CAPS2: variants seen among roughly 807,000 people sequenced by gnomAD.
CAPS2 encodes the protein calcyphosine 2.
Under a neutral mutation model 86.5 loss-of-function variants are expected in CAPS2, and 98 were observed. The ratio of observed to expected loss-of-function variants is 1.13; its 90% CI spans 0.96 to 1.34. CAPS2 has a LOEUF of 1.34. CAPS2 is among the 40% of genes most tolerant of loss of function. The pLI, the probability that CAPS2 is intolerant of heterozygous loss-of-function variation, is 0.00. For synonymous variants in CAPS2, 210 were observed against 225.1 expected (o/e 0.93, Z 0.60); for missense variants, 729 against 686.8 (o/e 1.06, Z -0.69).
At chr12:75,277,497 T>C (rs1271523672) in exon 17 of CAPS2, 2 of 906,350 alleles carry the variant, frequency 2.2e-6, no homozygotes, top group Non-Finnish European at 2.6e-6. Context: ...CATATTGTTT[T>C]AATTTTAATA....
At chr12:75,381,119 G>C (rs2044943837) in intron 1 of CAPS2, among the ~76,000 whole-genome samples, 1 of 152,166 alleles carries the variant, frequency 6.6e-6, no homozygotes, top group Non-Finnish European at 1.5e-5. Context: ...GAGGGACCCA[G>C]GGGGAGGTAA....
At chr12:75,375,350 C>T (rs576088545) in intron 1 of CAPS2, among the ~76,000 whole-genome samples, 13 of 152,208 alleles carry the variant, frequency 8.5e-5, no homozygotes, top group Non-Finnish European at 1.2e-4. Context: ...TTTGGATCCC[C>T]GGGAATCAAT....
intron 7 of CAPS2, chr12:75,305,315 T>C (rs1246227436): frequency 3.7e-6 from 1 of 271,804 alleles, no homozygotes; most frequent in Non-Finnish European, 6.9e-6. Context: ...ATGAAAGGCA[T>C]CCTAGAAGAG....
intron 15 of CAPS2, among the ~76,000 whole-genome samples, chr12:75,284,151 G>A (rs2034472071): frequency 6.6e-6 from 1 of 152,030 alleles, no homozygotes; most frequent in Non-Finnish European, 1.5e-5. Flanking sequence ...CCTATCACCA[G>A]GAAGGACATG....
At chr12:75,349,184 A>T (rs924787375) in intron 1 of CAPS2, among the ~76,000 whole-genome samples, 3 of 152,196 alleles carry the variant, frequency 2.0e-5, no homozygotes, top group Non-Finnish European at 4.4e-5. Flanking sequence ...GAATAAGAGG[A>T]CACAGTTCTT....
intron 6 of CAPS2, 63 bp from the exon 7 acceptor site, chr12:75,312,978 C>A: frequency 1.1e-6 from 1 of 910,316 alleles, no homozygotes; most frequent in South Asian, 1.5e-5. Context: ...ATACTTAACA[C>A]AAAAGTTCTA....
At chr12:75,310,352 T>G (rs1306314352) in intron 7 of CAPS2, among the ~76,000 whole-genome samples, 1 of 152,158 alleles carries the variant, frequency 6.6e-6, no homozygotes, top group African/African-American at 2.4e-5. Context: ...CTCACCAAGG[T>G]GACTTCTAAG....
chr12:75,377,622 T>C (rs2044718476), intron 1 of CAPS2, among the ~76,000 whole-genome samples: 2 of 152,048 alleles, frequency 1.3e-5, no homozygotes, highest in African/African-American at 2.4e-5. Flanking sequence ...GCTGAAAGAC[T>C]CACAAGTCGG....
At chr12:75,323,001 T>C (rs1384730962) in exon 4 of CAPS2, 1 of 1,544,598 alleles carries the variant, frequency 6.5e-7, no homozygotes, top group Non-Finnish European at 8.8e-7. Context: ...ACTGAGTATA[T>C]GGAGTTTGAC....
chr12:75,364,148 T>C (rs2043806920), intron 1 of CAPS2, among the ~76,000 whole-genome samples: 1 of 152,220 alleles, frequency 6.6e-6, no homozygotes, highest in Non-Finnish European at 1.5e-5. Flanking sequence ...TCTATTAGAC[T>C]TAAGATCTGT....
At chr12:75,287,533 T>C (rs1332432146) in intron 14 of CAPS2, among the ~76,000 whole-genome samples, 1 of 152,116 alleles carries the variant, frequency 6.6e-6, no homozygotes, top group African/African-American at 2.4e-5. Context: ...TACACAGTTA[T>C]GCATGTATCA....
intron 1 of CAPS2, chr12:75,347,551 C>T: frequency 3.3e-6 from 3 of 911,752 alleles, no homozygotes; most frequent in East Asian, 2.6e-5. Context: ...AAGATTATAC[C>T]AATTCTCTAA....
chr12:75,280,283 G>T (rs1004322521), intron 16 of CAPS2, among the ~76,000 whole-genome samples: 1 of 151,698 alleles, frequency 6.6e-6, no homozygotes, highest in Non-Finnish European at 1.5e-5. Flanking sequence ...TATCCCAGAG[G>T]TGCGCATGTG....
chr12:75,314,721 T>C (rs1031751337), intron 6 of CAPS2, among the ~76,000 whole-genome samples: 2 of 152,034 alleles, frequency 1.3e-5, no homozygotes, highest in African/African-American at 4.8e-5. Flanking sequence ...AACACAGATG[T>C]AAAACCCAGA....
chr12:75,360,053 T>C (rs1343006674), intron 1 of CAPS2: 1 of 152,134 alleles, frequency 6.6e-6, no homozygotes, highest in African/African-American at 2.4e-5. Flanking sequence ...TCAGATCTCA[T>C]GAGAACTCAC....
chr12:75,311,888 A>T (rs1276112224), intron 7 of CAPS2, among the ~76,000 whole-genome samples: 3 of 152,024 alleles, frequency 2.0e-5, no homozygotes, highest in African/African-American at 7.2e-5. Context: ...GGAGGTGAAA[A>T]CACTAAGTTC....
At chr12:75,312,387 G>A (rs1025072281) in intron 7 of CAPS2, among the ~76,000 whole-genome samples, 1 of 152,148 alleles carries the variant, frequency 6.6e-6, no homozygotes, top group Non-Finnish European at 1.5e-5. Flanking sequence ...TCTTTGCAGA[G>A]CTGAGTTTTC....
At chr12:75,342,064 G>T (rs943557095) in intron 1 of CAPS2, among the ~76,000 whole-genome samples, 1 of 152,056 alleles carries the variant, frequency 6.6e-6, no homozygotes, top group Non-Finnish European at 1.5e-5. Context: ...CAACATTCTT[G>T]AAATAACAAA....
At chr12:75,302,632 T>C (rs1211942106) in intron 8 of CAPS2, among the ~76,000 whole-genome samples, 2 of 152,166 alleles carry the variant, frequency 1.3e-5, no homozygotes, top group Admixed American at 6.5e-5. Context: ...GGAAAAGATA[T>C]GTGCGACAAA....
Sources: allele counts gnomAD v4.1 joint callset (sites outside exome capture counted in the v4.1 genomes callset), GRCh38; gene constraint gnomAD v4.1.1; transcripts MANE v1.5; gene names NCBI Gene and HGNC (gene_info 2026-07-23, HGNC 2026-07-21).